IQCJ: variants seen among roughly 807,000 people sequenced by gnomAD.
IQCJ encodes IQ domain-containing protein J.
A neutral mutation model predicts 11.0 loss-of-function variants in IQCJ; 9 were observed. That is an observed-to-expected ratio of 0.82 (90% CI 0.49 to 1.43). IQCJ has a LOEUF of 1.43. Among genes scored for constraint, IQCJ ranks in the 40% most tolerant of loss-of-function variants. The pLI, the probability that IQCJ is intolerant of heterozygous loss-of-function variation, is 0.00. For missense variants in IQCJ, 146 were observed against 133.2 expected (o/e 1.10, Z -0.47); for synonymous variants, 55 against 51.3 (o/e 1.07, Z -0.31).
At chr3:159,143,045 GTA>G (rs1202081133) in intron 1 of IQCJ, among the ~76,000 whole-genome samples, 1 of 152,164 alleles carries the variant, frequency 6.6e-6, no homozygotes, top group Non-Finnish European at 1.5e-5. Context: ...ACTGCTTTGT[GTA>G]TGTTGCTGCA....
intron 3 of IQCJ, among the ~76,000 whole-genome samples, chr3:159,258,499 T>C: frequency 6.6e-6 from 1 of 152,144 alleles, no homozygotes; most frequent in East Asian, 1.9e-4. Context: ...TCTACCCATG[T>C]GATAATCATG....
intron 1 of IQCJ, among the ~76,000 whole-genome samples, chr3:159,120,850 AAGCTCC>A (rs1364147857): frequency 6.6e-6 from 1 of 152,204 alleles, no homozygotes; most frequent in Non-Finnish European, 1.5e-5. Context: ...TCAAGCACCC[AAGCTCC>A]TTCTAGCTCC....
chr3:159,251,058 C>T (rs113504809), intron 2 of IQCJ, among the ~76,000 whole-genome samples: 7 of 152,158 alleles, frequency 4.6e-5, no homozygotes, highest in South Asian at 2.1e-4. Context: ...ACCCTGAATA[C>T]CAATGGCACA....
intron 1 of IQCJ, among the ~76,000 whole-genome samples, chr3:159,170,073 T>C (rs2108235860): frequency 6.6e-6 from 1 of 152,336 alleles, no homozygotes; most frequent in East Asian, 1.9e-4. Flanking sequence ...CAGATGTCTT[T>C]GATCATCTGA....
intron 1 of IQCJ, among the ~76,000 whole-genome samples, chr3:159,197,840 T>A (rs1724079405): frequency 3.3e-5 from 5 of 152,102 alleles, no homozygotes; most frequent in African/African-American, 1.2e-4. Context: ...TGTTTTTTTT[T>A]TTAATCAGAA....
intron 1 of IQCJ, among the ~76,000 whole-genome samples, chr3:159,136,825 T>C (rs947456820): frequency 6.6e-6 from 1 of 152,216 alleles, no homozygotes; most frequent in African/African-American, 2.4e-5. Flanking sequence ...ATTCAGACTA[T>C]AGCAAATCAT....
intron 1 of IQCJ, among the ~76,000 whole-genome samples, chr3:159,208,393 T>C (rs1167976447): frequency 6.6e-6 from 1 of 152,190 alleles, no homozygotes. Context: ...CAGATTGGTC[T>C]GCCCACACTC....
At chr3:159,130,017 C>T (rs1719901372) in intron 1 of IQCJ, among the ~76,000 whole-genome samples, 2 of 149,916 alleles carry the variant, frequency 1.3e-5, no homozygotes, top group Admixed American at 1.3e-4. Context: ...ACACCACAGT[C>T]AAGGGAAAGA....
intron 1 of IQCJ, among the ~76,000 whole-genome samples, chr3:159,163,874 G>A (rs1722019262): frequency 6.6e-6 from 1 of 152,158 alleles, no homozygotes; most frequent in South Asian, 2.1e-4. Flanking sequence ...CTTGAGGTAT[G>A]AGCACATCAG....
At chr3:159,182,887 G>T (rs920584680) in intron 1 of IQCJ, among the ~76,000 whole-genome samples, 1 of 150,326 alleles carries the variant, frequency 6.7e-6, no homozygotes. Context: ...GTGGCGCCAG[G>T]CTGTCTGCTT....
intron 1 of IQCJ, among the ~76,000 whole-genome samples, chr3:159,223,689 T>C (rs968283303): frequency 6.6e-6 from 1 of 152,158 alleles, no homozygotes; most frequent in Non-Finnish European, 1.5e-5. Flanking sequence ...TAATGACCAG[T>C]GCAGTAATAC....
intron 1 of IQCJ, among the ~76,000 whole-genome samples, chr3:159,172,961 C>T (rs1417610639): frequency 1.3e-5 from 2 of 152,072 alleles, no homozygotes; most frequent in Non-Finnish European, 2.9e-5. Context: ...CTGCGTAAGA[C>T]AATATATAAC....
intron 1 of IQCJ, among the ~76,000 whole-genome samples, chr3:159,127,542 A>T (rs1719746204): frequency 1.3e-5 from 2 of 152,330 alleles, no homozygotes; most frequent in South Asian, 2.1e-4. Context: ...TTGTGTTTCA[A>T]GAGTGAACCT....
intron 1 of IQCJ, among the ~76,000 whole-genome samples, chr3:159,158,121 T>C (rs1721636052): frequency 6.6e-6 from 1 of 152,272 alleles, no homozygotes; most frequent in Non-Finnish European, 1.5e-5. Flanking sequence ...TATATTTATA[T>C]GTGCAATTTT....
At chr3:159,170,865 A>G (rs1224469443) in intron 1 of IQCJ, among the ~76,000 whole-genome samples, 1 of 152,178 alleles carries the variant, frequency 6.6e-6, no homozygotes, top group Admixed American at 6.5e-5. Context: ...GTCATCTGTC[A>G]TTTTAGTTTC....
intron 1 of IQCJ, among the ~76,000 whole-genome samples, chr3:159,078,829 A>C (rs183647849): frequency 1.1e-4 from 16 of 152,142 alleles, no homozygotes; most frequent in Non-Finnish European, 2.1e-4. Flanking sequence ...CTGTTTCCTC[A>C]TCTATAAAAT....
At chr3:159,114,296 A>G (rs1389603282) in intron 1 of IQCJ, among the ~76,000 whole-genome samples, 1 of 147,284 alleles carries the variant, frequency 6.8e-6, no homozygotes, top group Non-Finnish European at 1.5e-5. Context: ...TTCACACAAG[A>G]CTTCTTGTTT....
chr3:159,222,193 C>T (rs1336434202), intron 1 of IQCJ, among the ~76,000 whole-genome samples: 1 of 152,150 alleles, frequency 6.6e-6, no homozygotes, highest in African/African-American at 2.4e-5. Context: ...GACATCTGCA[C>T]TCCCATGTTC....
intron 1 of IQCJ, among the ~76,000 whole-genome samples, chr3:159,090,269 G>A (rs1425553310): frequency 6.6e-6 from 1 of 151,752 alleles, no homozygotes; most frequent in African/African-American, 2.4e-5. Context: ...CCCACTTAAG[G>A]AGGCAGTCTG....
Sources: gnomAD v4.1 joint callset for allele counts (sites outside exome capture counted in the v4.1 genomes callset) on GRCh38, gnomAD v4.1.1 for gene constraint, MANE v1.5 for transcripts, NCBI Gene and HGNC (gene_info 2026-07-23, HGNC 2026-07-21) for gene names.